NEK7: variants seen among roughly 807,000 people sequenced by gnomAD.
NEK7 encodes serine/threonine-protein kinase Nek7.
A neutral mutation model predicts 44.6 loss-of-function variants in NEK7; 18 were observed. The observed-to-expected ratio is 0.40, with a 90% CI of 0.28 to 0.60. NEK7 has a LOEUF of 0.60. Ranked by LOEUF, NEK7 falls within the 20% of genes least tolerant of loss-of-function variation. The pLI, the probability that NEK7 is intolerant of heterozygous loss-of-function variation, is 0.38. For synonymous variants in NEK7, 130 were observed against 121.1 expected, an observed-to-expected ratio of 1.07 and a Z score of -0.48; for missense variants, 256 against 366.5, an observed-to-expected ratio of 0.70 and a Z score of 2.46.
chr1:198,228,242 C>T (rs1202170841), intron 1 of NEK7, among the ~76,000 whole-genome samples: 3 of 152,138 alleles, frequency 2.0e-5, no homozygotes, highest in East Asian at 3.9e-4. Flanking sequence ...TGTTTTGGTA[C>T]CAGTACCATG....
At chr1:198,253,717 C>G (rs1653158074) in intron 3 of NEK7, among the ~76,000 whole-genome samples, 2 of 152,108 alleles carry the variant, frequency 1.3e-5, no homozygotes, top group Non-Finnish European at 2.9e-5. Context: ...ATCAGATTTG[C>G]TCTCTAATCC....
rs528681317 is a variant in NEK7 at position 198,313,579 on chromosome 1, G to A, written c.799-5833G>A. On this transcript the variant is annotated intron_variant, in intron 9 of 9. Transcript: ENST00000367385. ...GGATGATTTTGCAGTGGCTGGTACC[G>A]GTTGTTCCTTTCCATGTTTAGTGCT... is the stretch of plus-strand genomic sequence containing the variant. Among the ~76,000 whole-genome samples the A allele has an allele frequency of 4.4e-3, 595 of 135,914 alleles. 7 individuals are homozygous for A. The highest frequency in any genetic ancestry group is 0.014 in the African/African-American group (458 of 33,074). The allele number at this position is 135,914 out of a possible 152,430, so 89.2% of individuals were successfully genotyped here. A position where few individuals can be genotyped will look rare whatever the true frequency, so the allele number is the denominator to read the frequency against.
intron 2 of NEK7, among the ~76,000 whole-genome samples, chr1:198,239,879 C>T (rs556983713): frequency 3.4e-4 from 52 of 152,274 alleles, no homozygotes; most frequent in African/African-American, 9.1e-4. Flanking sequence ...TAGCCTACTA[C>T]ACACCTAGGC....
intron 1 of NEK7, chr1:198,197,847 TG>T: frequency 1.1e-6 from 1 of 874,938 alleles, no homozygotes; most frequent in South Asian, 1.4e-5. Flanking sequence ...TGCATCTTTT[TG>T]TGAGCTTTCT....
intron 2 of NEK7, among the ~76,000 whole-genome samples, chr1:198,247,576 TATGAA>T (rs1475387634): frequency 2.6e-5 from 4 of 152,216 alleles, no homozygotes; most frequent in Non-Finnish European, 5.9e-5. Flanking sequence ...GACCTATACT[TATGAA>T]ATGAATTTGC....
At chr1:198,283,885 A>G (rs1235516016) in intron 7 of NEK7, among the ~76,000 whole-genome samples, 7 of 152,090 alleles carry the variant, frequency 4.6e-5, no homozygotes, top group Non-Finnish European at 8.8e-5. Flanking sequence ...GGGTTGTATG[A>G]CCCACAATTT....
intron 3 of NEK7, 24 bp from the exon 4 acceptor site, chr1:198,262,548 TTAA>T (rs1367329362): frequency 1.4e-6 from 2 of 1,427,668 alleles, no homozygotes; most frequent in Non-Finnish European, 2.0e-6. Context: ...TATTATTTTA[TTAA>T]GTAATTCTGG....
In NEK7 at chr1:198,197,941, G is replaced by T. The variant is rs937342180; in HGVS notation, c.-28-34612G>T. 5.3e-6 allele frequency: 8 copies of T among 1,510,090 alleles called. No individual in the cohort carries two copies. In the Middle Eastern group the frequency reaches 7.2e-4, roughly 136 times the overall value. The allele number at this position is 1,510,090 out of a possible 1,614,324, so 93.5% of individuals were successfully genotyped here. On this transcript the variant is annotated intron_variant, in intron 1 of 9. Coordinates refer to ENST00000367385, the MANE Select transcript of NEK7 (RefSeq NM_133494.3). ...CCAAGGGATTCACAGGAGGCATCCA[G>T]GGGCAGGTGGTGGGTATGGAGGAGG...
rs539397449 is a variant in NEK7, at chr1:198,253,078, C to T, written c.96C>T (p.Ala32=). 1.2e-6 allele frequency: 2 copies of T among 1,612,288 alleles called. No individual in the cohort carries two copies. The highest frequency in any genetic ancestry group is 2.2e-5 in the East Asian group (1 of 44,810). Residue 32 remains alanine (A), a synonymous_variant, in exon 3 of 10, where the codon GCC becomes GCT. Coordinates refer to ENST00000367385, the MANE Select transcript of NEK7 (RefSeq NM_133494.3). ...LRPDMGYNTL[A]NFRIEKKIGR... ...CGGATATGGGCTATAATACATTAGC[C>T]AACTTTCGAATAGAAAAGAAAATTG...
intron 7 of NEK7, among the ~76,000 whole-genome samples, chr1:198,286,790 G>T (rs1474432541): frequency 6.6e-6 from 1 of 152,128 alleles, no homozygotes; most frequent in African/African-American, 2.4e-5. Context: ...TGACGTTCTT[G>T]TTTCCTCACT....
chr1:198,249,136 C>A (rs1039668473), intron 2 of NEK7, among the ~76,000 whole-genome samples: 5 of 147,048 alleles, frequency 3.4e-5, no homozygotes, highest in African/African-American at 1.3e-4. Context: ...TGAGAATATG[C>A]GGTGTTTGGT....
At chr1:198,296,925 A>G (rs956734377) in intron 8 of NEK7, among the ~76,000 whole-genome samples, 2 of 151,396 alleles carry the variant, frequency 1.3e-5, no homozygotes, top group African/African-American at 4.9e-5. Flanking sequence ...TAAATGTTGG[A>G]AAAAAAATAA....
intron 2 of NEK7, among the ~76,000 whole-genome samples, chr1:198,233,824 C>A (rs922522705): frequency 4.2e-5 from 6 of 143,250 alleles, no homozygotes; most frequent in Non-Finnish European, 1.5e-5. Context: ...CTACAAAAAA[C>A]GATCTTTTCT....
At chr1:198,297,514 A>C (rs1654748259) in intron 9 of NEK7, among the ~76,000 whole-genome samples, 1 of 152,160 alleles carries the variant, frequency 6.6e-6, no homozygotes, top group Non-Finnish European at 1.5e-5. Flanking sequence ...CAGTGTACTG[A>C]ATCGTGCAAA....
At chr1:198,194,343 T>G (rs1483380517) in intron 1 of NEK7, among the ~76,000 whole-genome samples, 2 of 151,908 alleles carry the variant, frequency 1.3e-5, no homozygotes, top group East Asian at 3.9e-4. Flanking sequence ...GTTTCTTATA[T>G]AGGTAAACTT....
intron 1 of NEK7, among the ~76,000 whole-genome samples, chr1:198,222,893 T>TG (rs1459950591): frequency 6.7e-6 from 1 of 149,236 alleles, no homozygotes; most frequent in Non-Finnish European, 1.5e-5. Flanking sequence ...TGGGGGTGGA[T>TG]GGGGGCCGCA....
At chr1:198,178,218 A>T (rs1664660969) in intron 1 of NEK7, among the ~76,000 whole-genome samples, 1 of 152,106 alleles carries the variant, frequency 6.6e-6, no homozygotes, top group African/African-American at 2.4e-5. Flanking sequence ...TAAATAAGAG[A>T]AAGAACAACT....
At chr1:198,228,428 G>A (rs1166923804) in intron 1 of NEK7, among the ~76,000 whole-genome samples, 3 of 150,554 alleles carry the variant, frequency 2.0e-5, no homozygotes, top group East Asian at 1.9e-4. Flanking sequence ...GCTTGATGGG[G>A]ATGGCATTGA....
chr1:198,262,734 A>C (rs1323698264), intron 4 of NEK7, 97 bp downstream of exon 4: 1 of 588,158 alleles, frequency 1.7e-6, no homozygotes, highest in Admixed American at 2.8e-5. Context: ...TTTAAGACTT[A>C]TGCTACACTG....
Sources: allele counts gnomAD v4.1 joint callset (sites outside exome capture counted in the v4.1 genomes callset), GRCh38; gene constraint gnomAD v4.1.1; transcripts MANE v1.5; gene names NCBI Gene and HGNC (gene_info 2026-07-23, HGNC 2026-07-21).